MYT1: variants seen among roughly 807,000 people sequenced by gnomAD.
MYT1 encodes myelin transcription factor 1.
A neutral mutation model predicts 123.0 loss-of-function variants in MYT1; 23 were observed. The ratio of observed to expected loss-of-function variants is 0.19; its 90% CI spans 0.13 to 0.26. MYT1 has a LOEUF of 0.26. Among genes scored for constraint, MYT1 ranks in the 10% least tolerant of loss-of-function variants. MYT1 has a pLI of 1.00. For synonymous variants in MYT1, 518 were observed against 575.3 expected, an observed-to-expected ratio of 0.90 and a Z score of 1.43; for missense variants, 1,125 against 1,472.5, an observed-to-expected ratio of 0.76 and a Z score of 3.86.
chr20:64,213,961 T>C lies in MYT1; in HGVS notation c.1631+314T>C, dbSNP rs374661858. 4.6e-5 allele frequency among the ~76,000 whole-genome samples: 7 copies of C among 152,220 alleles called. No homozygotes were observed. Among genetic ancestry groups the C allele is most frequent in the African/African-American group, 1.4e-4 (6 of 41,466 alleles). On this transcript the variant is annotated intron_variant, in intron 10 of 22. Transcript: ENST00000328439. This position sits in a 1 kb window ranked among gnomAD's most constrained non-coding sequence, Gnocchi z 5.6. ...TCTGCCTCCTTGGAGTCGTCTGATG[T>C]GACCACTTGAGGCCCCTTGGGGATT...
chr20:64,233,076 C>T (rs1010898697), intron 19 of MYT1, among the ~76,000 whole-genome samples: 4 of 150,778 alleles, frequency 2.7e-5, no homozygotes, highest in Non-Finnish European at 4.4e-5. Flanking sequence ...GCTGACTCTT[C>T]ATTCCCTCCC....
At chr20:64,197,125 C>T (rs530693138) in intron 2 of MYT1, among the ~76,000 whole-genome samples, 16 of 152,306 alleles carry the variant, frequency 1.1e-4, no homozygotes, top group African/African-American at 3.6e-4. Context: ...AATTGTCTTC[C>T]GTTCTATTGG....
chr20:64,183,862 G>A (rs1335663871), intron 1 of MYT1, among the ~76,000 whole-genome samples: 2 of 151,980 alleles, frequency 1.3e-5, no homozygotes, highest in Non-Finnish European at 1.5e-5. Flanking sequence ...GCTCTGTCAC[G>A]CAGGCTAGAG....
chr20:64,235,587 GCTGGCC>G (rs1984494313), intron 19 of MYT1, among the ~76,000 whole-genome samples: 1 of 146,412 alleles, frequency 6.8e-6, no homozygotes, highest in Admixed American at 6.7e-5. Context: ...GTGACCCGGG[GCTGGCC>G]ATGGTGGGTG....
At position 64,168,612 on chromosome 20, in the gene MYT1, G is replaced by A. The variant is rs962697040; in HGVS notation, c.-99+3873G>A. ...CACCCCTTGTCCTGCAGCACCGGAAGCCTCCACTCAGCAGCCCCAACCTTC... is the reference window on the plus strand; with the variant it reads ...CACCCCTTGTCCTGCAGCACCGGAAACCTCCACTCAGCAGCCCCAACCTTC... On this transcript the variant is annotated intron_variant, in intron 1 of 22. Transcript: ENST00000328439. This position sits in a 1 kb window ranked among gnomAD's most constrained non-coding sequence, Gnocchi z 6.1. Among the ~76,000 whole-genome samples, 17 of 152,222 alleles carry A rather than the reference G, an allele frequency of 1.1e-4. No individual in the cohort carries two copies. Among genetic ancestry groups the A allele is most frequent in the African/African-American group, 3.9e-4 (16 of 41,458 alleles).
intron 6 of MYT1, among the ~76,000 whole-genome samples, chr20:64,206,046 CG>C (rs1185063789): frequency 6.6e-6 from 1 of 151,986 alleles, no homozygotes; most frequent in African/African-American, 2.4e-5. Flanking sequence ...GACAGAGACA[CG>C]GGGCTGGTGT....
intron 1 of MYT1, among the ~76,000 whole-genome samples, chr20:64,173,713 A>C (rs1299082155): frequency 1.1e-5 from 1 of 92,608 alleles, no homozygotes; most frequent in African/African-American, 4.5e-5. Context: ...AGTTGTGTCC[A>C]TTTCCCCTCC....
At chr20:64,205,824 C>T (rs747018754) in intron 6 of MYT1, 24 bp downstream of exon 6, 24 of 1,610,280 alleles carry the variant, frequency 1.5e-5, no homozygotes, top group Middle Eastern at 1.6e-4. Context: ...CTTTCTTCCC[C>T]GAATAAAGGG....
Position 64,223,092 on chromosome 20 carries a change from C to T in MYT1, c.2397-19C>T, listed in dbSNP as rs1241199228. On this transcript the variant is annotated intron_variant, in intron 14 of 22. Transcript: ENST00000328439. The stretch of plus-strand genomic sequence containing the variant: ...GTACACACCACTCTCCGGTCTGACA[C>T]TCTTTTTCCTTTGTCCAGCTGTCCC... 1 of 1,614,170 alleles carries T rather than the reference C, an allele frequency of 6.2e-7. No individual in the cohort carries two copies. The highest frequency in any genetic ancestry group is 8.5e-7 in the Non-Finnish European group (1 of 1,180,000).
At chr20:64,233,783 G>A (rs1342426068) in intron 19 of MYT1, among the ~76,000 whole-genome samples, 1 of 152,134 alleles carries the variant, frequency 6.6e-6, no homozygotes, top group Admixed American at 6.5e-5. Context: ...TTGGCCTGAG[G>A]TGTCTGGGGC....
At chr20:64,173,290 C>T (rs879611565) in intron 1 of MYT1, among the ~76,000 whole-genome samples, 9 of 152,240 alleles carry the variant, frequency 5.9e-5, no homozygotes, top group African/African-American at 1.4e-4. Flanking sequence ...AAGCAGCCCT[C>T]GGAGGCAGCA....
intron 1 of MYT1, among the ~76,000 whole-genome samples, chr20:64,183,056 C>CCAGT (rs1292251955): frequency 6.6e-6 from 1 of 152,230 alleles, no homozygotes; most frequent in Non-Finnish European, 1.5e-5. Flanking sequence ...TTCTCCTCCA[C>CCAGT]CAGTCCTAGG....
At chr20:64,222,371 G>A (rs960461172) in intron 14 of MYT1, among the ~76,000 whole-genome samples, 2 of 152,220 alleles carry the variant, frequency 1.3e-5, no homozygotes, top group African/African-American at 2.4e-5. Context: ...AAGCCCTCGG[G>A]GCACCCAGAG....
rs146690319 is a variant in MYT1, at chr20:64,169,550, G to A, written c.-99+4811G>A. The stretch of plus-strand genomic sequence containing the variant: ...CTCTGAGTTTCCCAGGATAACTGCC[G>A]TCCCAGGGAGCCCGGGGATGGTTCA... On this transcript the variant is annotated intron_variant, in intron 1 of 22. Coordinates refer to ENST00000328439, the MANE Select transcript of MYT1 (RefSeq NM_004535.3). 4.3e-3 allele frequency among the ~76,000 whole-genome samples: 651 copies of A among 152,252 alleles called. 4 individuals carry two copies. The highest frequency in any genetic ancestry group is 5.8e-3 in the Non-Finnish European group (397 of 68,016).
At chr20:64,204,877 T>C (rs1983435438) in intron 4 of MYT1, among the ~76,000 whole-genome samples, 158 bp from the exon 5 acceptor site, 1 of 152,238 alleles carries the variant, frequency 6.6e-6, no homozygotes, top group Non-Finnish European at 1.5e-5. Flanking sequence ...CATTTATTTA[T>C]TTGAATGGGG....
chr20:64,234,987 G>A (rs1185871926), intron 19 of MYT1, among the ~76,000 whole-genome samples: 1 of 149,454 alleles, frequency 6.7e-6, no homozygotes, highest in Non-Finnish European at 1.5e-5. Flanking sequence ...GCTGTGGTGG[G>A]TGACACTGGG....
chr20:64,210,660 C>T (rs1271846693), intron 7 of MYT1, among the ~76,000 whole-genome samples: 13 of 152,340 alleles, frequency 8.5e-5, no homozygotes, highest in African/African-American at 2.4e-4. Flanking sequence ...GAGGGTCCTC[C>T]GTGTTCCTGC....
rs1175817263 is a variant in MYT1, at chr20:64,170,848, CATATATAT to C, written c.-99+6139_-99+6146del. Reference sequence around the variant, plus strand: ...CCATGACACAGATAGACAAATTGGTCATATATATATATATATATATATATATATATATA... The same window carrying C: ...CCATGACACAGATAGACAAATTGGTCATATATATATATATATATATATATA... On this transcript the variant is annotated intron_variant, in intron 1 of 22. Transcript: ENST00000328439. 7.0e-3 allele frequency among the ~76,000 whole-genome samples: 112 copies of C among 16,020 alleles called. 2 individuals are homozygous for C. The highest frequency in any genetic ancestry group is 0.014 in the South Asian group (4 of 290). 10.5% of individuals were successfully genotyped at this position (16,020 alleles called of 152,430 possible).
Position 64,219,888 on chromosome 20 carries a change from C to G in MYT1, c.2147C>G (p.Ser716Cys). 1 of 1,580,644 alleles carries G rather than the reference C, an allele frequency of 6.3e-7. No individual in the cohort carries two copies. The highest frequency in any genetic ancestry group is 8.6e-7 in the Non-Finnish European group (1 of 1,163,754). ...AGCGCCCCCAGCAGCTCCATGACCT[C>G]TCCCCAGTCCAGCCAGGCCTCCCGC... ...STSAPSSSMT[S>C]PQSSQASRQD... Residue 716 changes from serine to cysteine, a missense_variant, in exon 13 of 23, where the codon TCT (serine) becomes TGT (cysteine). By Grantham distance (112) the Ser-to-Cys change is moderately radical. Around this residue, in one of 4 missense-constraint regions of MYT1, gnomAD observed 429 missense variants for 604.1 expected, o/e 0.71. Transcript: ENST00000328439.
Sources: allele counts gnomAD v4.1 joint callset (sites outside exome capture counted in the v4.1 genomes callset), GRCh38; gene constraint gnomAD v4.1.1; regional missense constraint gnomAD v4.1.1; non-coding constraint Gnocchi (gnomAD v3.1); transcripts MANE v1.5; gene names NCBI Gene and HGNC (gene_info 2026-07-23, HGNC 2026-07-21).